Variants in CSMD1 observed in about 807,000 individuals in gnomAD.
The protein encoded by CSMD1 is CUB and Sushi multiple domains 1.
In CSMD1, 213 loss-of-function variants were observed where a neutral mutation model predicts 417.5. The observed-to-expected ratio is 0.51, with a 90% CI of 0.46 to 0.57. The LOEUF is 0.57. Ranked by LOEUF, CSMD1 falls within the 20% of genes least tolerant of loss-of-function variation. The pLI is 0.00. For missense variants in CSMD1, 6,923 were observed against 4,529.7 expected, an observed-to-expected ratio of 1.53 and a Z score of -15.17; for synonymous variants, 2,862 against 1,736.8, an observed-to-expected ratio of 1.65 and a Z score of -16.11.
chr8:3,418,896 G>A (rs770677525), intron 12 of CSMD1, among the ~76,000 whole-genome samples: 17 of 152,136 alleles, frequency 1.1e-4, no homozygotes, highest in Admixed American at 1.0e-3. Flanking sequence ...CAACAGCCAA[G>A]GTAGTAATGA....
intron 7 of CSMD1, among the ~76,000 whole-genome samples, chr8:3,642,098 G>C (rs1382321604): frequency 6.6e-6 from 1 of 152,080 alleles, no homozygotes; most frequent in East Asian, 1.9e-4. Flanking sequence ...AGCAGATACA[G>C]CCTACAGCCA....
intron 5 of CSMD1, among the ~76,000 whole-genome samples, chr8:3,971,678 G>C (rs1389377117): frequency 7.2e-5 from 11 of 152,152 alleles, no homozygotes; most frequent in African/African-American, 2.7e-4. Context: ...GGGGTACTCA[G>C]AGGGAGAAAG....
intron 1 of CSMD1, among the ~76,000 whole-genome samples, chr8:4,755,598 C>T (rs1261690154): frequency 6.6e-6 from 1 of 152,144 alleles, no homozygotes; most frequent in East Asian, 1.9e-4. Context: ...TTGATTTTAT[C>T]AGATGGAAAG....
rs554930712 is a variant in CSMD1 at position 3,956,436 on chromosome 8, C to G, written c.818+41467G>C. On this transcript the variant is annotated intron_variant, in intron 5 of 69. Transcript: ENST00000635120. ...GAGGCATGTATGTTTAGCCACTATG[C>G]TGTTGCCTTGTGATAGCTTGAGTTT... Among the ~76,000 whole-genome samples the G allele has an allele frequency of 3.9e-5, 6 of 152,290 alleles. No individual in the cohort carries two copies. The South Asian group carries it at 6.2e-4, about 16-fold the overall frequency.
intron 23 of CSMD1, among the ~76,000 whole-genome samples, chr8:3,313,381 G>T (rs1027352858): frequency 2.0e-5 from 3 of 152,062 alleles, no homozygotes; most frequent in African/African-American, 7.2e-5. Flanking sequence ...CTGACAAAGG[G>T]CTAATATGCA....
At chr8:4,461,929 G>A (rs1028718098) in intron 2 of CSMD1, among the ~76,000 whole-genome samples, 42 of 151,922 alleles carry the variant, frequency 2.8e-4, no homozygotes, top group African/African-American at 9.9e-4. Context: ...TTTTAGAAGA[G>A]ACGGGGTTTC....
At chr8:4,436,762 T>G (rs1004229867) in intron 2 of CSMD1, among the ~76,000 whole-genome samples, 2 of 152,166 alleles carry the variant, frequency 1.3e-5, no homozygotes, top group Non-Finnish European at 1.5e-5. Flanking sequence ...AAATAAGTGA[T>G]CATGTGATAT....
intron 41 of CSMD1, among the ~76,000 whole-genome samples, chr8:3,135,436 C>A (rs1365567534): frequency 6.6e-6 from 1 of 151,354 alleles, no homozygotes; most frequent in East Asian, 1.9e-4. Flanking sequence ...GTGAAGTCTG[C>A]TGATCACATT....
chr8:4,786,570 A>C (rs1292527944), intron 1 of CSMD1, among the ~76,000 whole-genome samples: 1 of 152,188 alleles, frequency 6.6e-6, no homozygotes, highest in Non-Finnish European at 1.5e-5. Flanking sequence ...AGAGCATTTA[A>C]AATACAGCAG....
At chr8:3,214,129 C>A (rs1797760833) in intron 30 of CSMD1, among the ~76,000 whole-genome samples, 1 of 151,952 alleles carries the variant, frequency 6.6e-6, no homozygotes, top group Admixed American at 6.6e-5. Context: ...CAGGCATGAG[C>A]TACCACGCCC....
intron 2 of CSMD1, among the ~76,000 whole-genome samples, chr8:4,617,518 T>C (rs982673698): frequency 6.6e-6 from 1 of 152,178 alleles, no homozygotes; most frequent in Non-Finnish European, 1.5e-5. Context: ...GACAATGCTA[T>C]GAGGTTTCTG....
intron 10 of CSMD1, among the ~76,000 whole-genome samples, chr8:3,572,459 G>T (rs980028297): frequency 4.6e-5 from 7 of 152,108 alleles, no homozygotes; most frequent in African/African-American, 1.7e-4. Flanking sequence ...TGTTTCTCCT[G>T]CCCAGCGTTT....
intron 2 of CSMD1, among the ~76,000 whole-genome samples, chr8:4,458,910 A>C (rs1799645853): frequency 6.6e-6 from 1 of 152,236 alleles, no homozygotes; most frequent in African/African-American, 2.4e-5. Context: ...GAATGTATTA[A>C]AAATATTTAA....
At chr8:4,234,974 G>A (rs1401993959) in intron 3 of CSMD1, among the ~76,000 whole-genome samples, 1 of 152,126 alleles carries the variant, frequency 6.6e-6, no homozygotes, top group Non-Finnish European at 1.5e-5. Flanking sequence ...ATGACCTCAT[G>A]GAATCTCAAT....
intron 3 of CSMD1, among the ~76,000 whole-genome samples, chr8:4,034,630 G>A (rs562748685): frequency 2.0e-5 from 3 of 152,162 alleles, no homozygotes; most frequent in Non-Finnish European, 2.9e-5. Flanking sequence ...TACAGTCAAA[G>A]ACACACGTTG....
At chr8:3,129,495 C>T (rs1427751450) in intron 41 of CSMD1, among the ~76,000 whole-genome samples, 2 of 152,160 alleles carry the variant, frequency 1.3e-5, no homozygotes, top group African/African-American at 4.8e-5. Flanking sequence ...TGGAGCTGGG[C>T]CGGGTTCAGT....
chr8:4,149,621 T>G (rs1289592686), intron 3 of CSMD1, among the ~76,000 whole-genome samples: 3 of 152,206 alleles, frequency 2.0e-5, no homozygotes, highest in African/African-American at 7.2e-5. Flanking sequence ...TCCTTCTGTC[T>G]GTAGAATCAT....
At chr8:4,278,107 T>A (rs1796586452) in intron 3 of CSMD1, among the ~76,000 whole-genome samples, 1 of 152,148 alleles carries the variant, frequency 6.6e-6, no homozygotes, top group African/African-American at 2.4e-5. Context: ...CCTTTATGGT[T>A]CTCTTTCTCC....
intron 3 of CSMD1, among the ~76,000 whole-genome samples, chr8:4,301,411 G>C (rs1341870259): frequency 6.6e-6 from 1 of 152,126 alleles, no homozygotes; most frequent in Non-Finnish European, 1.5e-5. Flanking sequence ...CTCCAGGATG[G>C]TACTGGGAAA....
Sources: allele counts gnomAD v4.1 joint callset (sites outside exome capture counted in the v4.1 genomes callset), GRCh38; gene constraint gnomAD v4.1.1; transcripts MANE v1.5; gene names NCBI Gene and HGNC (gene_info 2026-07-23, HGNC 2026-07-21).